The following SLC29A3 variants were observed in gnomAD, a reference collection of about 807,000 sequenced individuals.
SLC29A3 encodes equilibrative nucleoside transporter 3.
In SLC29A3, 18 loss-of-function variants were observed where a neutral mutation model predicts 25.4. That is an observed-to-expected ratio of 0.71 (90% CI 0.49 to 1.05). The LOEUF is 1.05. Ranked by LOEUF, SLC29A3 falls within the 50% of genes least tolerant of loss-of-function variation. The pLI is 0.00. For synonymous variants in SLC29A3, 258 were observed against 267.1 expected, an observed-to-expected ratio of 0.97 and a Z score of 0.33; for missense variants, 586 against 609.0, an observed-to-expected ratio of 0.96 and a Z score of 0.40.
intron 1 of SLC29A3, among the ~76,000 whole-genome samples, chr10:71,320,102 A>C (rs1354382038): frequency 6.6e-6 from 1 of 152,204 alleles, no homozygotes; most frequent in Non-Finnish European, 1.5e-5. Context: ...TGGTTAGAGA[A>C]AATTCCTGGC....
At position 71,347,682 on chromosome 10, in the gene SLC29A3, A is replaced by T. The variant is rs559377843; in HGVS notation, c.383+3391A>T. Among the ~76,000 whole-genome samples the T allele has an allele frequency of 2.0e-5, 3 of 152,306 alleles. No homozygotes were observed. In the East Asian group the frequency reaches 5.8e-4, roughly 29 times the overall value. ...TGGGCAAGAGTGGTTTATGCAGCAG[A>T]TAATTAGCAGGCGGGAAGGAGACCT... On this transcript the variant is annotated intron_variant, in intron 3 of 5. Coordinates refer to ENST00000373189, the MANE Select transcript of SLC29A3 (RefSeq NM_018344.6).
intron 5 of SLC29A3, among the ~76,000 whole-genome samples, chr10:71,357,531 A>G (rs10999782): frequency 7.9e-5 from 12 of 152,232 alleles, no homozygotes; most frequent in South Asian, 2.1e-4. Context: ...GATTACAGGC[A>G]TGAGCCACCA....
chr10:71,350,233 G>A (rs908002048), intron 3 of SLC29A3, among the ~76,000 whole-genome samples: 30 of 151,918 alleles, frequency 2.0e-4, no homozygotes, highest in African/African-American at 7.0e-4. Context: ...GGACCAGAGG[G>A]AAACTCAAAT....
rs10999772 is a variant in SLC29A3, at chr10:71,322,317, C to G, written c.2-439C>G. On this transcript the variant is annotated intron_variant, in intron 1 of 5. Transcript: ENST00000373189. ...CCATCCTGCTCCTTATTTCTTTCAC[C>G]TGAAATCGAAAAGGGTTTAGAGATC... Among the ~76,000 whole-genome samples, 454 of 152,304 alleles carry G rather than the reference C, an allele frequency of 3.0e-3. 23 individuals are homozygous for G. In the East Asian group the frequency reaches 0.081, roughly 27 times the overall value.
chr10:71,368,472 CT>C (rs1231752917), intron 3 of SLC29A3, among the ~76,000 whole-genome samples: 1 of 152,220 alleles, frequency 6.6e-6, no homozygotes, highest in African/African-American at 2.4e-5. Context: ...GCCCCCAGGC[CT>C]AGAACCTGAC....
At chr10:71,320,912 C>T (rs183998357) in intron 1 of SLC29A3, among the ~76,000 whole-genome samples, 12 of 152,306 alleles carry the variant, frequency 7.9e-5, no homozygotes, top group African/African-American at 2.2e-4. Flanking sequence ...CAGTCCTCCC[C>T]GGTGTGCTGA....
intron 2 of SLC29A3, among the ~76,000 whole-genome samples, chr10:71,334,009 A>G (rs7076329): frequency 0.59 from 89,324 of 152,144 alleles, 29,141 homozygotes; most frequent in African/African-American, 0.9. Flanking sequence ...CAGGGTATAA[A>G]GGTAGGTAGA....
chr10:71,381,007 T>C (rs1478034099), exon 5 of SLC29A3: 1 of 152,238 alleles, frequency 6.6e-6, no homozygotes, highest in Non-Finnish European at 1.5e-5. Context: ...TCAATCTTGT[T>C]TTATCTCTAC....
At chr10:71,325,209 A>G (rs1217991710) in intron 2 of SLC29A3, among the ~76,000 whole-genome samples, 1 of 152,148 alleles carries the variant, frequency 6.6e-6, no homozygotes, top group African/African-American at 2.4e-5. Flanking sequence ...AGCTGTCCTC[A>G]GTTTTATAGG....
At chr10:71,374,354 T>C (rs1847233972) in intron 3 of SLC29A3, among the ~76,000 whole-genome samples, 1 of 152,188 alleles carries the variant, frequency 6.6e-6, no homozygotes, top group African/African-American at 2.4e-5. Flanking sequence ...GCGTGACAGA[T>C]GATAGGCAGG....
rs774647907 is a variant in SLC29A3, at chr10:71,344,261, G to T, written c.353G>T (p.Cys118Phe). The change falls in exon 3 of 6, where the codon TGC becomes TTC. Residue 118 changes from cysteine (C) to phenylalanine (F), a missense_variant. Physicochemically the swap from Cys to Phe is radical, Grantham distance 205. Coordinates refer to ENST00000373189, the MANE Select transcript of SLC29A3 (RefSeq NM_018344.6). ...AVASTVPSML[C>F]LVANFLLVNR... Reference sequence around the variant, plus strand: ...GCCTCCACCGTGCCCTCCATGCTGTGCCTGGTGGCCAACTTCCTGCTTGTC... The same window carrying T: ...GCCTCCACCGTGCCCTCCATGCTGTTCCTGGTGGCCAACTTCCTGCTTGTC... 1 of 1,614,110 alleles carries T rather than the reference G, an allele frequency of 6.2e-7. No homozygotes were observed. Among genetic ancestry groups the T allele is most frequent in the Admixed American group, 1.7e-5 (1 of 60,026 alleles).
chr10:71,365,333 G>C (rs187586543), downstream of SLC29A3: 1 of 152,300 alleles, frequency 6.6e-6, no homozygotes, highest in Non-Finnish European at 1.5e-5. Flanking sequence ...ATCTTGGAGC[G>C]ATCACCTTGC....
At chr10:71,319,728 A>G (rs1589218279) in intron 1 of SLC29A3, 3 of 179,026 alleles carry the variant, frequency 1.7e-5, no homozygotes, top group East Asian at 2.8e-4. Flanking sequence ...GTGCCTTCCC[A>G]CAGGTTAGCC....
intron 2 of SLC29A3, among the ~76,000 whole-genome samples, chr10:71,333,777 A>G (rs933136849): frequency 2.0e-5 from 3 of 152,248 alleles, no homozygotes; most frequent in African/African-American, 7.2e-5. Context: ...TGGCCCGAGC[A>G]TCAGCAGTGG....
intron 3 of SLC29A3, among the ~76,000 whole-genome samples, chr10:71,370,613 C>A (rs1352867052): frequency 6.6e-6 from 1 of 152,158 alleles, no homozygotes; most frequent in Non-Finnish European, 1.5e-5. Flanking sequence ...TAGCTCACTG[C>A]AACCTCCAAC....
At chr10:71,354,476 G>A (rs1009600392) in intron 4 of SLC29A3, among the ~76,000 whole-genome samples, 5 of 152,160 alleles carry the variant, frequency 3.3e-5, no homozygotes, top group South Asian at 2.1e-4. Context: ...AGGATCCTCC[G>A]TCAGACCAAG....
At position 71,344,233 on chromosome 10, in the gene SLC29A3, G is replaced by A. The variant is rs138640615; in HGVS notation, c.325G>A (p.Val109Ile). Reference protein sequence around the residue: ...ILNYFESYLAVASTVPSMLCL... With the variant: ...ILNYFESYLAIASTVPSMLCL... ...GAACTACTTTGAGAGCTACCTTGCC[G>A]TTGCCTCCACCGTGCCCTCCATGCT... The change falls in exon 3 of 6, where the codon GTT (valine) becomes ATT (isoleucine). Residue 109 changes from valine (V) to isoleucine (I), a missense_variant. Transcript: ENST00000373189. The A allele has an allele frequency of 5.2e-4, 833 of 1,614,058 alleles. 3 individuals carry two copies. Among genetic ancestry groups the A allele is most frequent in the East Asian group, 1.5e-3 (66 of 44,876 alleles).
intron 2 of SLC29A3, 130 bp from the exon 3 acceptor site, chr10:71,344,079 C>T: frequency 1.3e-6 from 1 of 787,008 alleles, no homozygotes; most frequent in East Asian, 2.5e-5. Context: ...GGTGGGCTCA[C>T]CCACGGCTCC....
intron 4 of SLC29A3, among the ~76,000 whole-genome samples, chr10:71,377,269 G>A (rs1847259842): frequency 1.3e-5 from 2 of 152,212 alleles, no homozygotes; most frequent in Non-Finnish European, 2.9e-5. Flanking sequence ...GTATCCCCTG[G>A]GCTGAGGCTA....
Sources: gnomAD v4.1 joint callset for allele counts (sites outside exome capture counted in the v4.1 genomes callset) on GRCh38, gnomAD v4.1.1 for gene constraint, MANE v1.5 for transcripts, NCBI Gene and HGNC (gene_info 2026-07-23, HGNC 2026-07-21) for gene names.